Variants in CFAP44 observed in about 807,000 individuals in gnomAD.
The protein encoded by CFAP44 is cilia and flagella associated protein 44.
Under a neutral mutation model 216.2 loss-of-function variants are expected in CFAP44, and 134 were observed. That is an observed-to-expected ratio of 0.62 (90% confidence interval 0.54 to 0.72). The LOEUF (loss-of-function observed/expected upper bound fraction) is 0.72, where lower values mean the gene tolerates loss of function less well. Among genes scored for constraint, CFAP44 ranks in the 30% least tolerant of loss-of-function variants. The pLI is 0.00. For synonymous variants in CFAP44, 700 were observed against 727.6 expected (o/e 0.96, Z 0.61); for missense variants, 2,035 against 2,182.1 (o/e 0.93, Z 1.34).
chr3:113,338,665 G>C (rs996384827), intron 24 of CFAP44, among the ~76,000 whole-genome samples: 1 of 152,096 alleles, frequency 6.6e-6, no homozygotes, highest in Non-Finnish European at 1.5e-5. Context: ...TCAAACATTT[G>C]GGTGAAATTC....
intron 24 of CFAP44, among the ~76,000 whole-genome samples, chr3:113,341,463 A>T (rs529681465): frequency 6.6e-6 from 1 of 152,234 alleles, no homozygotes; most frequent in Non-Finnish European, 1.5e-5. Flanking sequence ...TTTGAGATAG[A>T]AAAGCATTTC....
intron 24 of CFAP44, among the ~76,000 whole-genome samples, chr3:113,336,854 G>A (rs1950286004): frequency 6.6e-6 from 1 of 151,740 alleles, no homozygotes; most frequent in African/African-American, 2.4e-5. Context: ...GGTAGATTGA[G>A]GTAAAGGATG....
intron 34 of CFAP44, chr3:113,294,409 C>T (rs1949861108): frequency 2.6e-6 from 1 of 385,432 alleles, no homozygotes; most frequent in Non-Finnish European, 4.7e-6. Context: ...GTTATTCATA[C>T]CTAAGTAACC....
chr3:113,404,173 T>A, intron 8 of CFAP44, 157 bp from the exon 9 acceptor site: 1 of 803,522 alleles, frequency 1.2e-6, no homozygotes, highest in Non-Finnish European at 1.9e-6. Flanking sequence ...GAAGACCTAC[T>A]ACCCCAGACA....
intron 9 of CFAP44, 21 bp downstream of exon 9, chr3:113,403,831 C>G (rs913726054): frequency 1.9e-6 from 3 of 1,606,872 alleles, no homozygotes; most frequent in Middle Eastern, 3.3e-4. Context: ...GTGCTACCAT[C>G]CAAGTATCGA....
chr3:113,433,714 T>C (rs768378245), intron 1 of CFAP44, 45 bp from the exon 2 acceptor site: 10 of 1,416,818 alleles, frequency 7.1e-6, no homozygotes, highest in South Asian at 3.4e-5. Context: ...AGCTGTAAAA[T>C]TGAAACTAAC....
intron 1 of CFAP44, among the ~76,000 whole-genome samples, chr3:113,434,301 T>C (rs1383290322): frequency 1.3e-5 from 2 of 152,028 alleles, no homozygotes; most frequent in Non-Finnish European, 2.9e-5. Flanking sequence ...ACATGGATGA[T>C]GGTCAGGAGT....
chr3:113,292,641 G>C (rs1576531730), intron 34 of CFAP44, among the ~76,000 whole-genome samples: 1 of 152,140 alleles, frequency 6.6e-6, no homozygotes. Flanking sequence ...TGAGACTCAG[G>C]GAGTCATTAA....
At chr3:113,339,931 G>A (rs1283510289) in intron 24 of CFAP44, among the ~76,000 whole-genome samples, 1 of 152,196 alleles carries the variant, frequency 6.6e-6, no homozygotes, top group Non-Finnish European at 1.5e-5. Flanking sequence ...GTGCAACTGA[G>A]CCTTTCTAAT....
intron 22 of CFAP44, among the ~76,000 whole-genome samples, chr3:113,349,332 C>T (rs1950419334): frequency 6.6e-6 from 1 of 152,140 alleles, no homozygotes; most frequent in South Asian, 2.1e-4. Context: ...AAAAGCTAGC[C>T]CTGGGCCCTG....
chr3:113,351,187 C>T (rs902699114), intron 22 of CFAP44, among the ~76,000 whole-genome samples: 7 of 152,124 alleles, frequency 4.6e-5, no homozygotes, highest in African/African-American at 1.4e-4. Flanking sequence ...ATGGACTGAA[C>T]GAGATCTTAT....
At chr3:113,437,086 C>T (rs1404532997) in intron 1 of CFAP44, among the ~76,000 whole-genome samples, 1 of 152,160 alleles carries the variant, frequency 6.6e-6, no homozygotes, top group African/African-American at 2.4e-5. Flanking sequence ...GAACAGTGGT[C>T]CCTGCTTTCT....
intron 1 of CFAP44, among the ~76,000 whole-genome samples, chr3:113,440,316 C>T (rs1366832331): frequency 1.3e-5 from 2 of 152,246 alleles, no homozygotes; most frequent in Non-Finnish European, 2.9e-5. Flanking sequence ...CCACCTCCGC[C>T]TCCCAAAGTG....
intron 24 of CFAP44, among the ~76,000 whole-genome samples, chr3:113,339,826 G>T (rs562926921): frequency 1.3e-5 from 2 of 152,188 alleles, no homozygotes; most frequent in Non-Finnish European, 2.9e-5. Context: ...CAGAAACAGA[G>T]CTAGGGGGAG....
Position 113,350,336 on chromosome 3 carries a change from CAG to C in CFAP44, c.3066-5626_3066-5625del, listed in dbSNP as rs986529543. On this transcript the variant is annotated intron_variant, in intron 22 of 34. Coordinates refer to ENST00000393845, the MANE Select transcript of CFAP44 (RefSeq NM_001164496.2). ...AGAAAGTCAGAGAGAGAGAAAGAGACAGAGAGACAAAGAGAGAGTCAGAGAGA... is the reference window on the plus strand; with the variant it reads ...AGAAAGTCAGAGAGAGAGAAAGAGACAGAGACAAAGAGAGAGTCAGAGAGA... 1.5e-4 allele frequency among the ~76,000 whole-genome samples: 23 copies of C among 148,880 alleles called. 1 individual carries two copies. The highest frequency in any genetic ancestry group is 5.8e-4 in the African/African-American group (23 of 39,956).
chr3:113,411,461 T>C (rs554676879), intron 6 of CFAP44, among the ~76,000 whole-genome samples: 441 of 152,280 alleles, frequency 2.9e-3, no homozygotes, highest in African/African-American at 0.01. Context: ...GTTGTAGATG[T>C]GTGGTATTAT....
At chr3:113,362,934 C>T in intron 21 of CFAP44, 2 of 1,290,286 alleles carry the variant, frequency 1.6e-6, no homozygotes, top group Non-Finnish European at 2.0e-6. Context: ...TGATGTAAAA[C>T]AATTTGTGTC....
chr3:113,335,284 G>T (rs2107814448), intron 24 of CFAP44, among the ~76,000 whole-genome samples: 1 of 152,292 alleles, frequency 6.6e-6, no homozygotes, highest in South Asian at 2.1e-4. Context: ...ATTATCTCCT[G>T]GCTGCCGCAG....
chr3:113,346,574 C>T (rs977211959), intron 22 of CFAP44, among the ~76,000 whole-genome samples: 2 of 151,828 alleles, frequency 1.3e-5, no homozygotes, highest in African/African-American at 2.4e-5. Flanking sequence ...CCAATCAGCA[C>T]TCTGGGTCTA....
Sources: allele counts gnomAD v4.1 joint callset (sites outside exome capture counted in the v4.1 genomes callset), GRCh38; gene constraint gnomAD v4.1.1; transcripts MANE v1.5; gene names NCBI Gene and HGNC (gene_info 2026-07-23, HGNC 2026-07-21).